Variants in ANXA8 observed in about 807,000 individuals in gnomAD.
ANXA8 encodes the protein VAC-beta.
ANXA8 carries 9 observed loss-of-function variants against 26.8 expected under a neutral mutation model. The observed-to-expected ratio is 0.34, with a 90% CI of 0.20 to 0.59. The LOEUF is 0.59. Among genes scored for constraint, ANXA8 ranks in the 20% least tolerant of loss-of-function variants. The probability of loss-of-function intolerance (pLI) is 0.84; values close to 1 mark genes in which losing one functional copy is unlikely to be tolerated. For missense variants in ANXA8, 83 were observed against 238.5 expected, an observed-to-expected ratio of 0.35 and a Z score of 4.29; for synonymous variants, 39 against 94.8, an observed-to-expected ratio of 0.41 and a Z score of 3.42.
the ANXA8 span, among the ~76,000 whole-genome samples, chr10:47,533,223 A>ACACCCC: frequency 1.4e-5 from 2 of 139,086 alleles, no homozygotes; most frequent in African/African-American, 5.6e-5. Context: ...ACACACACAC[A>ACACCCC]CCCCCGCAGA....
chr10:47,530,062 A>C, the ANXA8 span, among the ~76,000 whole-genome samples: 1 of 129,102 alleles, frequency 7.7e-6, no homozygotes, highest in Admixed American at 8.2e-5. Flanking sequence ...ACTGGAGATG[A>C]GTGACCCCAT....
the ANXA8 span, among the ~76,000 whole-genome samples, chr10:47,526,077 C>A: frequency 1.5e-5 from 2 of 134,654 alleles, 1 homozygote; most frequent in Admixed American, 1.5e-4. Context: ...CAGCCAGATT[C>A]GTATATTTTT....
At chr10:47,573,043 C>T in the ANXA8 span, among the ~76,000 whole-genome samples, 7 of 147,514 alleles carry the variant, frequency 4.7e-5, no homozygotes, top group African/African-American at 1.3e-4. Context: ...TGCACCGTGG[C>T]GTGATCTCGG....
chr10:47,594,726 A>AT, the ANXA8 span, among the ~76,000 whole-genome samples: 868 of 148,238 alleles, frequency 5.9e-3, 83 homozygotes, highest in African/African-American at 0.021. Flanking sequence ...AAGAAAAAAT[A>AT]TTTTTTAAAA....
the ANXA8 span, among the ~76,000 whole-genome samples, chr10:47,618,064 A>G: frequency 9.0e-6 from 1 of 110,658 alleles, no homozygotes; most frequent in Non-Finnish European, 2.0e-5. Flanking sequence ...CTGTTTATTC[A>G]AAACTTATAG....
At chr10:47,503,105 C>T in the ANXA8 span, 2 of 1,611,430 alleles carry the variant, frequency 1.2e-6, no homozygotes, top group Admixed American at 1.7e-5. Flanking sequence ...GGCCACTTTC[C>T]TGGGACTTTG....
At chr10:47,631,642 T>C in the ANXA8 span, among the ~76,000 whole-genome samples, 2 of 150,460 alleles carry the variant, frequency 1.3e-5, no homozygotes, top group Non-Finnish European at 2.9e-5. Flanking sequence ...CTGCACAAAA[T>C]GGTAAATGCA....
At chr10:47,668,226 C>A in the ANXA8 span, among the ~76,000 whole-genome samples, 2 of 151,266 alleles carry the variant, frequency 1.3e-5, no homozygotes, top group Non-Finnish European at 2.9e-5. Flanking sequence ...ATTCCTTATT[C>A]TTTCTGATAA....
chr10:47,763,837 T>C, the ANXA8 span, among the ~76,000 whole-genome samples: 1 of 149,568 alleles, frequency 6.7e-6, no homozygotes, highest in African/African-American at 2.5e-5. Flanking sequence ...TTTGGGGGGA[T>C]GGACCTTCTC....
At chr10:47,726,647 T>G in the ANXA8 span, among the ~76,000 whole-genome samples, 12 of 152,402 alleles carry the variant, frequency 7.9e-5, no homozygotes, top group Non-Finnish European at 1.8e-4. Flanking sequence ...ATGTAGTAAT[T>G]TATCATTTGA....
the ANXA8 span, among the ~76,000 whole-genome samples, chr10:47,702,422 C>A: frequency 6.6e-6 from 1 of 150,662 alleles, no homozygotes; most frequent in South Asian, 2.1e-4. Flanking sequence ...CTCACTGCAA[C>A]CTCTGCCTCC....
At chr10:47,586,574 G>T in the ANXA8 span, among the ~76,000 whole-genome samples, 4 of 145,818 alleles carry the variant, frequency 2.7e-5, no homozygotes, top group Middle Eastern at 3.4e-3. Context: ...GGCCCCGGGG[G>T]ATCCTCAGGG....
At chr10:47,916,926 A>G in the ANXA8 span, among the ~76,000 whole-genome samples, 1 of 88,690 alleles carries the variant, frequency 1.1e-5, no homozygotes, top group African/African-American at 4.2e-5. Flanking sequence ...TGGTCAAGCA[A>G]TGTTCTCTGA....
At chr10:47,950,753 C>A in the ANXA8 span, among the ~76,000 whole-genome samples, 1 of 151,002 alleles carries the variant, frequency 6.6e-6, no homozygotes, top group Non-Finnish European at 1.5e-5. Context: ...GAGAAAATCA[C>A]AAAAGATATT....
chr10:47,984,675 C>CAA, the ANXA8 span, among the ~76,000 whole-genome samples: 1 of 129,940 alleles, frequency 7.7e-6, no homozygotes, highest in Non-Finnish European at 1.6e-5. Flanking sequence ...GAATGTTATA[C>CAA]AAGTGAAATC....
chr10:47,529,068 T>G, the ANXA8 span, among the ~76,000 whole-genome samples: 1 of 144,952 alleles, frequency 6.9e-6, no homozygotes, highest in South Asian at 2.2e-4. Flanking sequence ...CTGTATTCAT[T>G]ACAGACAACA....
the ANXA8 span, among the ~76,000 whole-genome samples, chr10:47,589,731 A>T: frequency 1.4e-5 from 2 of 144,846 alleles, no homozygotes; most frequent in Non-Finnish European, 2.9e-5. Context: ...AATGCTCCCT[A>T]ACAGGCTCAG....
intron 11 of ANXA8, among the ~76,000 whole-genome samples, chr10:47,470,289 A>G (rs1839294144): frequency 6.6e-6 from 1 of 150,944 alleles, no homozygotes; most frequent in East Asian, 1.9e-4. Context: ...TTTCTTAAGT[A>G]ACAACATTAG....
At chr10:47,938,603 GC>G in the ANXA8 span, among the ~76,000 whole-genome samples, 162 of 138,158 alleles carry the variant, frequency 1.2e-3, 1 homozygote, top group African/African-American at 4.4e-3. Flanking sequence ...GCCACTCTGG[GC>G]CCCGTGCTGG....
Sources: allele counts gnomAD v4.1 joint callset (sites outside exome capture counted in the v4.1 genomes callset), GRCh38; gene constraint gnomAD v4.1.1; transcripts MANE v1.5; gene names NCBI Gene and HGNC (gene_info 2026-07-23, HGNC 2026-07-21).